GABRG3: variants seen among roughly 807,000 people sequenced by gnomAD.
The protein encoded by GABRG3 is gamma-aminobutyric acid receptor subunit gamma-3.
Under a neutral mutation model 48.8 loss-of-function variants are expected in GABRG3, and 25 were observed. The ratio of observed to expected loss-of-function variants is 0.51; its 90% confidence interval spans 0.37 to 0.72. GABRG3 has a LOEUF of 0.72. Among genes scored for constraint, GABRG3 ranks in the 30% least tolerant of loss-of-function variants. The pLI is 0.00. For synonymous variants in GABRG3, 227 were observed against 217.6 expected, an observed-to-expected ratio of 1.04 and a Z score of -0.38; for missense variants, 394 against 577.9, an observed-to-expected ratio of 0.68 and a Z score of 3.26.
chr15:27,495,959 C>T lies in GABRG3; in HGVS notation c.712+15172C>T, dbSNP rs188239430. Among the ~76,000 whole-genome samples the T allele has an allele frequency of 1.7e-3, 259 of 152,298 alleles. 5 individuals are homozygous for T. Among genetic ancestry groups the T allele is most frequent in the Non-Finnish European group, 2.8e-4 (19 of 68,018 alleles). On this transcript the variant is annotated intron_variant, in intron 6 of 9. Coordinates refer to ENST00000615808, the MANE Select transcript of GABRG3 (RefSeq NM_033223.5). The stretch of plus-strand genomic sequence containing the variant: ...TTGTATGAAGCCTCTTTTGACACTG[C>T]TCTAGTGAGGAGGAGAGGGACATTG...
intron 3 of GABRG3, among the ~76,000 whole-genome samples, chr15:27,196,509 G>C (rs187301237): frequency 8.5e-4 from 129 of 152,180 alleles, no homozygotes; most frequent in Admixed American, 1.8e-3. Flanking sequence ...GGGAATTAAG[G>C]GCTCTTGTTT....
intron 6 of GABRG3, among the ~76,000 whole-genome samples, chr15:27,491,214 C>T (rs1890346151): frequency 6.6e-6 from 1 of 152,242 alleles, no homozygotes; most frequent in South Asian, 2.1e-4. Context: ...GCATCAGCCC[C>T]ACACTGCGGC....
At chr15:27,196,006 A>G (rs1888486031) in intron 3 of GABRG3, among the ~76,000 whole-genome samples, 1 of 151,994 alleles carries the variant, frequency 6.6e-6, no homozygotes, top group Non-Finnish European at 1.5e-5. Flanking sequence ...GAGACTCTGG[A>G]TTCTGTATAT....
At chr15:27,431,546 C>T (rs1307204910) in intron 5 of GABRG3, among the ~76,000 whole-genome samples, 1 of 151,970 alleles carries the variant, frequency 6.6e-6, no homozygotes, top group African/African-American at 2.4e-5. Context: ...TTGTATTAAA[C>T]CTGTTGTTCG....
chr15:27,438,743 C>G (rs1888693405), intron 5 of GABRG3, among the ~76,000 whole-genome samples: 1 of 152,184 alleles, frequency 6.6e-6, no homozygotes, highest in Non-Finnish European at 1.5e-5. Flanking sequence ...CTACGTTTTT[C>G]TTCAAAACAG....
At chr15:27,532,184 A>G (rs1019091736) in intron 9 of GABRG3, among the ~76,000 whole-genome samples, 5 of 152,168 alleles carry the variant, frequency 3.3e-5, no homozygotes, top group Non-Finnish European at 7.4e-5. Flanking sequence ...ACTTCAAATG[A>G]CTAATACACA....
chr15:27,017,534 A>G (rs1895803099), intron 2 of GABRG3, among the ~76,000 whole-genome samples: 1 of 152,212 alleles, frequency 6.6e-6, no homozygotes, highest in African/African-American at 2.4e-5. Context: ...TTAAATTCAG[A>G]GAACACAGAA....
intron 3 of GABRG3, among the ~76,000 whole-genome samples, chr15:27,307,827 T>G (rs1892705036): frequency 8.6e-6 from 1 of 116,194 alleles, no homozygotes; most frequent in South Asian, 2.4e-4. Context: ...AAAATAAACA[T>G]AAACATATAT....
At chr15:27,030,750 A>G (rs977985490) in intron 3 of GABRG3, among the ~76,000 whole-genome samples, 4 of 152,128 alleles carry the variant, frequency 2.6e-5, no homozygotes, top group Non-Finnish European at 5.9e-5. Flanking sequence ...ATAGTGGAGA[A>G]GATATTGACC....
chr15:27,296,697 C>T (rs1251210250), intron 3 of GABRG3, among the ~76,000 whole-genome samples: 2 of 152,032 alleles, frequency 1.3e-5, no homozygotes, highest in Non-Finnish European at 2.9e-5. Context: ...GATGCTGGTG[C>T]AAACAAACCT....
At chr15:26,978,909 A>C (rs540328468) in intron 2 of GABRG3, among the ~76,000 whole-genome samples, 1 of 151,288 alleles carries the variant, frequency 6.6e-6, no homozygotes, top group Non-Finnish European at 1.5e-5. Flanking sequence ...AAGTGTAGAT[A>C]TCAATCTGGA....
chr15:27,233,761 C>T (rs564005563), intron 3 of GABRG3, among the ~76,000 whole-genome samples: 4 of 152,254 alleles, frequency 2.6e-5, no homozygotes, highest in South Asian at 2.1e-4. Context: ...AGATACCAGA[C>T]GCCTGTACAA....
chr15:27,529,230 A>G (rs1248739975), intron 9 of GABRG3, among the ~76,000 whole-genome samples: 1 of 152,240 alleles, frequency 6.6e-6, no homozygotes, highest in Non-Finnish European at 1.5e-5. Context: ...AGGTTTGACA[A>G]TTTAAAAACA....
intron 6 of GABRG3, among the ~76,000 whole-genome samples, chr15:27,490,195 G>C (rs1890315505): frequency 6.6e-6 from 1 of 152,220 alleles, no homozygotes; most frequent in South Asian, 2.1e-4. Flanking sequence ...GGGCAGAGCA[G>C]ATTGATTTTA....
In GABRG3 at chr15:27,026,785, T is replaced by C. The variant is rs1362395383; in HGVS notation, c.234T>C (p.Tyr78=). The part of the protein sequence containing the change: ...IKPTVIDVDI[Y]VNSIGPVSSI... ...CGACCGTAATTGACGTTGACATTTA[T>C]GTTAACAGCATTGGTCCTGTGTCAT... The change falls in exon 3 of 10, where the codon TAT becomes TAC. Residue 78 remains tyrosine, a synonymous_variant. Transcript: ENST00000615808. 6.2e-7 allele frequency: 1 copy of C among 1,611,976 alleles called. No homozygotes were observed. Among genetic ancestry groups the C allele is most frequent in the African/African-American group, 1.3e-5 (1 of 74,878 alleles).
chr15:27,007,021 G>T (rs1895599047), intron 2 of GABRG3, among the ~76,000 whole-genome samples: 1 of 151,516 alleles, frequency 6.6e-6, no homozygotes, highest in Non-Finnish European at 1.5e-5. Context: ...TATTTAGTTT[G>T]ATTCCATATC....
At chr15:27,511,343 T>G (rs1890890542) in intron 6 of GABRG3, among the ~76,000 whole-genome samples, 1 of 152,150 alleles carries the variant, frequency 6.6e-6, no homozygotes, top group Admixed American at 6.5e-5. Context: ...TAGAGGAGCA[T>G]CCCTGAGCCG....
At chr15:27,164,496 G>T (rs1887309205) in intron 3 of GABRG3, among the ~76,000 whole-genome samples, 1 of 152,168 alleles carries the variant, frequency 6.6e-6, no homozygotes, top group African/African-American at 2.4e-5. Flanking sequence ...GCAGCTGAAA[G>T]ATCTTTCATA....
At chr15:27,408,362 A>T (rs1887700284) in intron 5 of GABRG3, among the ~76,000 whole-genome samples, 1 of 152,314 alleles carries the variant, frequency 6.6e-6, no homozygotes, top group African/African-American at 2.4e-5. Flanking sequence ...AGTTGAGAAC[A>T]CTGTTTCCAG....
Sources: gnomAD v4.1 joint callset for allele counts (sites outside exome capture counted in the v4.1 genomes callset) on GRCh38, gnomAD v4.1.1 for gene constraint, MANE v1.5 for transcripts, NCBI Gene and HGNC (gene_info 2026-07-23, HGNC 2026-07-21) for gene names.